Variants in ARHGAP24 observed in about 807,000 individuals in gnomAD.
ARHGAP24 encodes the protein Rho GTPase activating protein 24.
Under a neutral mutation model 76.4 loss-of-function variants are expected in ARHGAP24, and 50 were observed. The observed-to-expected ratio is 0.65, with a 90% CI of 0.52 to 0.83. The LOEUF (loss-of-function observed/expected upper bound fraction) is 0.83. Among genes scored for constraint, ARHGAP24 ranks in the 40% least tolerant of loss-of-function variants. The pLI is 0.00. For missense variants in ARHGAP24, 930 were observed against 914.2 expected, an observed-to-expected ratio of 1.02 and a Z score of -0.22; for synonymous variants, 345 against 323.3, an observed-to-expected ratio of 1.07 and a Z score of -0.72.
At chr4:85,807,925 T>A (rs1356838483) in intron 3 of ARHGAP24, among the ~76,000 whole-genome samples, 2 of 152,294 alleles carry the variant, frequency 1.3e-5, no homozygotes, top group East Asian at 3.9e-4. Flanking sequence ...GGCACTTTTT[T>A]TATTTTTGTC....
At chr4:85,663,426 A>G (rs1336243944) in intron 2 of ARHGAP24, among the ~76,000 whole-genome samples, 5 of 148,180 alleles carry the variant, frequency 3.4e-5, no homozygotes, top group East Asian at 1.9e-4. Flanking sequence ...GGGCTGAGAC[A>G]ATGGGGTTTC....
intron 3 of ARHGAP24, among the ~76,000 whole-genome samples, chr4:85,769,376 G>C (rs944403025): frequency 2.6e-5 from 4 of 152,148 alleles, no homozygotes; most frequent in African/African-American, 9.7e-5. Flanking sequence ...GAGGGTTTAA[G>C]GATGGAGATT....
intron 3 of ARHGAP24, among the ~76,000 whole-genome samples, chr4:85,759,662 A>T (rs1399823278): frequency 6.6e-6 from 1 of 152,166 alleles, no homozygotes; most frequent in African/African-American, 2.4e-5. Context: ...AGGACGTGTT[A>T]GAAAGTAGGC....
intron 2 of ARHGAP24, among the ~76,000 whole-genome samples, chr4:85,698,755 C>A (rs1303098259): frequency 6.6e-6 from 1 of 152,202 alleles, no homozygotes; most frequent in Non-Finnish European, 1.5e-5. Flanking sequence ...AAAGAGCGAC[C>A]TAGCAAGGAC....
intron 5 of ARHGAP24, among the ~76,000 whole-genome samples, chr4:85,956,351 T>C (rs1164414777): frequency 2.0e-5 from 3 of 152,348 alleles, no homozygotes; most frequent in African/African-American, 4.8e-5. Flanking sequence ...TGACAAAATT[T>C]GATAACTATT....
intron 5 of ARHGAP24, among the ~76,000 whole-genome samples, chr4:85,971,422 A>G (rs191368988): frequency 1.3e-5 from 2 of 152,288 alleles, no homozygotes; most frequent in African/African-American, 4.8e-5. Context: ...ACCATCAAAT[A>G]CACATAAAGA....
At chr4:85,610,475 A>G (rs1720344862) in intron 2 of ARHGAP24, among the ~76,000 whole-genome samples, 1 of 150,292 alleles carries the variant, frequency 6.7e-6, no homozygotes, top group Admixed American at 6.6e-5. Flanking sequence ...AAAAAAAAAA[A>G]AAAAAAAGAA....
At chr4:85,487,741 T>TA (rs1219889871) in intron 1 of ARHGAP24, among the ~76,000 whole-genome samples, 1,457 of 98,702 alleles carry the variant, frequency 0.015, 55 homozygotes, top group African/African-American at 0.072. Flanking sequence ...ATATATTATA[T>TA]AATATATATT....
intron 5 of ARHGAP24, among the ~76,000 whole-genome samples, chr4:85,943,889 T>G (rs566442855): frequency 2.0e-5 from 3 of 152,022 alleles, no homozygotes; most frequent in African/African-American, 7.2e-5. Context: ...TTCCAAGTCT[T>G]TGCTATTGTG....
intron 3 of ARHGAP24, among the ~76,000 whole-genome samples, chr4:85,746,996 G>A (rs61635228): frequency 6.6e-6 from 1 of 152,106 alleles, no homozygotes; most frequent in South Asian, 2.1e-4. Context: ...CAGGACTTCA[G>A]GGATCTTATT....
intron 2 of ARHGAP24, among the ~76,000 whole-genome samples, chr4:85,601,539 G>C (rs1391468885): frequency 2.6e-5 from 4 of 152,242 alleles, no homozygotes; most frequent in South Asian, 4.1e-4. Context: ...CTACGCGCTA[G>C]ATGCTTGGCA....
intron 3 of ARHGAP24, among the ~76,000 whole-genome samples, chr4:85,898,610 C>T (rs1332440219): frequency 6.6e-6 from 1 of 152,344 alleles, no homozygotes; most frequent in African/African-American, 2.4e-5. Context: ...TTTCAAACAA[C>T]ATTTAACCAG....
At chr4:85,803,664 C>T (rs1485187337) in intron 3 of ARHGAP24, among the ~76,000 whole-genome samples, 1 of 152,008 alleles carries the variant, frequency 6.6e-6, no homozygotes, top group East Asian at 1.9e-4. Flanking sequence ...TGCCATTTGC[C>T]CAGGTTAATT....
chr4:85,625,459 T>G (rs1720908641), intron 2 of ARHGAP24, among the ~76,000 whole-genome samples: 2 of 152,180 alleles, frequency 1.3e-5, no homozygotes. Context: ...ATTTCTGTTC[T>G]TTTACATTTG....
chr4:85,717,239 C>T (rs1209066284), intron 2 of ARHGAP24, among the ~76,000 whole-genome samples: 3 of 151,986 alleles, frequency 2.0e-5, no homozygotes, highest in Admixed American at 6.6e-5. Flanking sequence ...ATCTTTTACT[C>T]TTCCTTCTTT....
chr4:85,513,305 C>T (rs1245524038), intron 1 of ARHGAP24, among the ~76,000 whole-genome samples: 1 of 152,150 alleles, frequency 6.6e-6, no homozygotes, highest in Non-Finnish European at 1.5e-5. Context: ...TTCCTGAGCC[C>T]CATTTCAGGC....
At chr4:85,504,144 G>T (rs1160252090) in intron 1 of ARHGAP24, among the ~76,000 whole-genome samples, 1 of 152,130 alleles carries the variant, frequency 6.6e-6, no homozygotes, top group Non-Finnish European at 1.5e-5. Flanking sequence ...CAATTATGTG[G>T]TCAGTTTAAG....
chr4:85,942,013 C>A, intron 4 of ARHGAP24, 53 bp from the exon 5 acceptor site: 1 of 1,560,064 alleles, frequency 6.4e-7, no homozygotes, highest in Non-Finnish European at 8.8e-7. Context: ...ACAACAACAA[C>A]AAAGTGGGAA....
intron 3 of ARHGAP24, among the ~76,000 whole-genome samples, chr4:85,883,048 G>A (rs1733351297): frequency 6.6e-6 from 1 of 152,168 alleles, no homozygotes; most frequent in African/African-American, 2.4e-5. Context: ...TTTCAGTGGT[G>A]TGGGTCAAGC....
Sources: allele counts gnomAD v4.1 joint callset (sites outside exome capture counted in the v4.1 genomes callset), GRCh38; gene constraint gnomAD v4.1.1; transcripts MANE v1.5; gene names NCBI Gene and HGNC (gene_info 2026-07-23, HGNC 2026-07-21).